WDR43: variants seen among roughly 807,000 people sequenced by gnomAD.
The protein encoded by WDR43 is WD repeat domain 43.
WDR43 carries 13 observed loss-of-function variants against 91.4 expected under a neutral mutation model. The ratio of observed to expected loss-of-function variants is 0.14; its 90% CI spans 0.09 to 0.23. WDR43 has a LOEUF of 0.23. Ranked by LOEUF, WDR43 falls within the 10% of genes least tolerant of loss-of-function variation. The pLI is 1.00. For missense variants in WDR43, 780 were observed against 809.4 expected, an observed-to-expected ratio of 0.96 and a Z score of 0.44; for synonymous variants, 331 against 287.9, an observed-to-expected ratio of 1.15 and a Z score of -1.51.
At chr2:28,917,805 C>CTGA in intron 5 of WDR43, 88 bp from the exon 6 acceptor site, 1 of 1,134,174 alleles carries the variant, frequency 8.8e-7, no homozygotes. Flanking sequence ...ATCTCATGTG[C>CTGA]TGATCTCCAT....
chr2:28,946,187 G>A (rs1671539352), intron 16 of WDR43, among the ~76,000 whole-genome samples: 1 of 152,032 alleles, frequency 6.6e-6, no homozygotes, highest in East Asian at 1.9e-4. Context: ...AATTAGCTGG[G>A]TGTGGCGGCT....
At chr2:28,943,354 T>G (rs1671484514) in intron 16 of WDR43, among the ~76,000 whole-genome samples, 1 of 152,130 alleles carries the variant, frequency 6.6e-6, no homozygotes, top group Non-Finnish European at 1.5e-5. Flanking sequence ...GCTGATCTTG[T>G]ACACCGTGGC....
rs956967457 is a variant in WDR43 at position 28,947,537 on chromosome 2, C to T, written c.*758C>T. ...CATCAGTGTATAGATTAGAAGTGCTCATTACCTGCAACTTTTAAAAAAAAT... is the reference window on the plus strand; with the variant it reads ...CATCAGTGTATAGATTAGAAGTGCTTATTACCTGCAACTTTTAAAAAAAAT... On this transcript the variant is annotated 3_prime_UTR_variant, in exon 18 of 18. Coordinates refer to ENST00000407426, the MANE Select transcript of WDR43 (RefSeq NM_015131.3). 2.6e-5 allele frequency: 4 copies of T among 152,174 alleles called. No individual in the cohort carries two copies. Among genetic ancestry groups the T allele is most frequent in the East Asian group, 1.9e-4 (1 of 5,186 alleles). 9.4% of individuals were successfully genotyped at this position (152,174 alleles called of 1,614,324 possible). A position where few individuals can be genotyped will look rare whatever the true frequency, so the allele number is the denominator to read the frequency against.
intron 6 of WDR43, among the ~76,000 whole-genome samples, chr2:28,920,711 C>A: frequency 6.6e-6 from 1 of 152,132 alleles, no homozygotes; most frequent in Non-Finnish European, 1.5e-5. Context: ...CAGTCTCCCT[C>A]TGTCAGCCAG....
chr2:28,916,708 T>C (rs1224880466), intron 5 of WDR43, among the ~76,000 whole-genome samples: 1 of 152,166 alleles, frequency 6.6e-6, no homozygotes, highest in Non-Finnish European at 1.5e-5. Flanking sequence ...AAAGTCCCCA[T>C]GAACACTGAT....
intron 2 of WDR43, among the ~76,000 whole-genome samples, chr2:28,904,342 C>G (rs1196818051): frequency 1.3e-5 from 2 of 152,134 alleles, no homozygotes; most frequent in East Asian, 1.9e-4. Context: ...AACAGCCTAC[C>G]TTGCATGATT....
chr2:28,906,558 C>A lies in WDR43; in HGVS notation c.462C>A (p.Asn154Lys). The change falls in exon 3 of 18, where the codon AAC becomes AAA. Residue 154 changes from asparagine (N) to lysine (K), a missense_variant. Asn to Lys is a moderately conservative substitution (Grantham distance 94). Around this residue, in one of 4 missense-constraint regions of WDR43, gnomAD observed 174 missense variants for 207.3 expected, o/e 0.84. Coordinates refer to ENST00000407426, the MANE Select transcript of WDR43 (RefSeq NM_015131.3). Reference protein sequence around the residue: ...CSDDKHIVEWNVQTCKVKCKW... With the variant: ...CSDDKHIVEWKVQTCKVKCKW... ...ATGATAAACATATTGTGGAATGGAACGTACAGACATGCAAAGTAAAGTGGT... is the reference window on the plus strand; with the variant it reads ...ATGATAAACATATTGTGGAATGGAAAGTACAGACATGCAAAGTAAAGTGGT... The A allele has an allele frequency of 6.2e-7, 1 of 1,611,308 alleles. No homozygotes were observed. The highest frequency in any genetic ancestry group is 8.5e-7 in the Non-Finnish European group (1 of 1,178,994).
intron 5 of WDR43, 139 bp from the exon 6 acceptor site, chr2:28,917,754 G>A (rs1670942217): frequency 5.6e-6 from 4 of 709,354 alleles, no homozygotes; most frequent in Non-Finnish European, 6.9e-6. Flanking sequence ...TTGATCTTTA[G>A]TCACTTTACT....
chr2:28,918,365 T>C (rs1489052578), intron 6 of WDR43, among the ~76,000 whole-genome samples: 1 of 152,020 alleles, frequency 6.6e-6, no homozygotes, highest in East Asian at 1.9e-4. Context: ...TTTATCTCTT[T>C]TTTTCTTTTT....
intron 7 of WDR43, among the ~76,000 whole-genome samples, chr2:28,924,420 T>A (rs1047699099): frequency 6.6e-6 from 1 of 152,064 alleles, no homozygotes; most frequent in African/African-American, 2.4e-5. Flanking sequence ...TCTTGAAGTG[T>A]CAGTGAAGAG....
At chr2:28,920,552 T>G (rs1671004641) in intron 6 of WDR43, among the ~76,000 whole-genome samples, 1 of 152,074 alleles carries the variant, frequency 6.6e-6, no homozygotes, top group Non-Finnish European at 1.5e-5. Flanking sequence ...TTTATTTGTG[T>G]GTGTGCGATT....
At chr2:28,906,425 C>T (rs974810537) in intron 2 of WDR43, 35 bp from the exon 3 acceptor site, 2 of 1,510,940 alleles carry the variant, frequency 1.3e-6, no homozygotes, top group African/African-American at 2.8e-5. Context: ...AGTTTGAGAC[C>T]AGCCTTAAAT....
chr2:28,904,863 G>T (rs1434458702), intron 2 of WDR43: 2 of 152,116 alleles, frequency 1.3e-5, no homozygotes, highest in Non-Finnish European at 2.9e-5. Flanking sequence ...TGTACATAGT[G>T]GTGTTTCATT....
chr2:28,943,159 A>G (rs1671480606), intron 16 of WDR43, among the ~76,000 whole-genome samples: 1 of 151,760 alleles, frequency 6.6e-6, no homozygotes. Flanking sequence ...TTTTGCACAG[A>G]CTCTCTCTGT....
intron 6 of WDR43, among the ~76,000 whole-genome samples, chr2:28,920,110 T>C (rs1187900134): frequency 2.0e-5 from 3 of 152,052 alleles, no homozygotes; most frequent in Admixed American, 2.0e-4. Flanking sequence ...CCTCCCAAAG[T>C]GCTGTAATTA....
At chr2:28,915,210 G>A (rs1670882875) in intron 5 of WDR43, among the ~76,000 whole-genome samples, 1 of 152,168 alleles carries the variant, frequency 6.6e-6, no homozygotes, top group Non-Finnish European at 1.5e-5. Context: ...GTGGGCCTCT[G>A]TTTACCTTCA....
chr2:28,920,037 C>T (rs1670991820), intron 6 of WDR43, among the ~76,000 whole-genome samples: 1 of 151,660 alleles, frequency 6.6e-6, no homozygotes, highest in South Asian at 2.1e-4. Flanking sequence ...CAGGGTTTTG[C>T]CATGTTGGCC....
intron 3 of WDR43, among the ~76,000 whole-genome samples, chr2:28,912,246 C>T (rs1034381234): frequency 6.6e-6 from 1 of 152,124 alleles, no homozygotes; most frequent in African/African-American, 2.4e-5. Flanking sequence ...ATGGAACTTT[C>T]CTGGACATTC....
At chr2:28,942,636 A>ATTT (rs1671462656) in intron 16 of WDR43, among the ~76,000 whole-genome samples, 1 of 142,942 alleles carries the variant, frequency 7.0e-6, no homozygotes, top group Admixed American at 7.0e-5. Context: ...TTTTTTTTTA[A>ATTT]GACAGTCTCA....
Sources: allele counts gnomAD v4.1 joint callset (sites outside exome capture counted in the v4.1 genomes callset), GRCh38; gene constraint gnomAD v4.1.1; regional missense constraint gnomAD v4.1.1; transcripts MANE v1.5; gene names NCBI Gene and HGNC (gene_info 2026-07-23, HGNC 2026-07-21).